The following LRRC4C variants were observed in gnomAD, a reference collection of about 807,000 sequenced individuals.
LRRC4C encodes leucine rich repeat containing 4C.
Under a neutral mutation model 33.6 loss-of-function variants are expected in LRRC4C, and 5 were observed. The ratio of observed to expected loss-of-function variants is 0.15; its 90% CI spans 0.08 to 0.31. LRRC4C has a LOEUF of 0.31. LRRC4C is among the 10% of genes least tolerant of loss of function. The pLI, the probability that LRRC4C is intolerant of heterozygous loss-of-function variation, is 1.00. For missense variants in LRRC4C, 560 were observed against 796.7 expected (o/e 0.70, Z 3.58); for synonymous variants, 329 against 302.0 (o/e 1.09, Z -0.93).
At chr11:40,246,088 C>T (rs910796526) in intron 4 of LRRC4C, among the ~76,000 whole-genome samples, 16 of 151,666 alleles carry the variant, frequency 1.1e-4, no homozygotes, top group African/African-American at 3.6e-4. Flanking sequence ...ATTTTCCTGC[C>T]TCAGCCTCCC....
At chr11:40,501,048 A>G (rs1263506750) in intron 3 of LRRC4C, among the ~76,000 whole-genome samples, 1 of 152,208 alleles carries the variant, frequency 6.6e-6, no homozygotes, top group Non-Finnish European at 1.5e-5. Flanking sequence ...GACCCCATGC[A>G]AGTCTGAAAT....
At chr11:40,613,172 A>T (rs1477130321) in intron 3 of LRRC4C, among the ~76,000 whole-genome samples, 2 of 151,640 alleles carry the variant, frequency 1.3e-5, no homozygotes, top group East Asian at 3.9e-4. Flanking sequence ...ACATCAATTG[A>T]CTCTTTCTTT....
chr11:40,762,755 A>T lies in LRRC4C; in HGVS notation c.-406-114477T>A, dbSNP rs972408259. On this transcript the variant is annotated intron_variant, in intron 2 of 6. Transcript: ENST00000528697. ...TCCCTATCTGTATCCTAAAATATAA[A>T]TTTTTTTTAGTCTAGTCCAGTCTCT... Among the ~76,000 whole-genome samples the T allele has an allele frequency of 5.3e-5, 8 of 151,770 alleles. No individual in the cohort carries two copies. In the East Asian group the frequency reaches 5.8e-4, roughly 11 times the overall value.
intron 1 of LRRC4C, among the ~76,000 whole-genome samples, chr11:41,407,864 A>G (rs1232591736): frequency 6.6e-6 from 1 of 152,214 alleles, no homozygotes; most frequent in Non-Finnish European, 1.5e-5. Flanking sequence ...TATGGCATCA[A>G]GTGAAACTTT....
intron 2 of LRRC4C, among the ~76,000 whole-genome samples, chr11:40,914,089 T>C (rs1245150968): frequency 6.6e-6 from 1 of 152,092 alleles, no homozygotes; most frequent in African/African-American, 2.4e-5. Context: ...CAGGACCAGA[T>C]GGATTCACAG....
intron 3 of LRRC4C, among the ~76,000 whole-genome samples, chr11:40,537,358 G>A (rs1591038087): frequency 1.3e-5 from 2 of 152,156 alleles, no homozygotes; most frequent in Non-Finnish European, 2.9e-5. Flanking sequence ...TAAAGAAACG[G>A]GGAGAGGCTG....
chr11:41,308,343 C>T (rs1245209465), intron 1 of LRRC4C, among the ~76,000 whole-genome samples: 1 of 152,044 alleles, frequency 6.6e-6, no homozygotes, highest in Non-Finnish European at 1.5e-5. Context: ...CAGAACAACA[C>T]AGGGCTGACT....
chr11:41,454,465 G>T (rs76022382), intron 1 of LRRC4C, among the ~76,000 whole-genome samples: 2 of 152,174 alleles, frequency 1.3e-5, no homozygotes, highest in South Asian at 2.1e-4. Context: ...TGATTGTAGC[G>T]CTTGTTCCTG....
chr11:40,218,364 G>GTTA (rs1864124814), intron 5 of LRRC4C, among the ~76,000 whole-genome samples: 1 of 152,204 alleles, frequency 6.6e-6, no homozygotes, highest in South Asian at 2.1e-4. Flanking sequence ...CCTAAGAAGG[G>GTTA]TTATGGTCAT....
At chr11:41,431,791 C>T (rs1308882577) in intron 1 of LRRC4C, among the ~76,000 whole-genome samples, 5 of 152,100 alleles carry the variant, frequency 3.3e-5, no homozygotes, top group Non-Finnish European at 5.9e-5. Flanking sequence ...CTTAGTGGCA[C>T]TACCTTATGT....
At chr11:40,686,544 A>G (rs1289145537) in intron 2 of LRRC4C, among the ~76,000 whole-genome samples, 1 of 152,000 alleles carries the variant, frequency 6.6e-6, no homozygotes, top group Non-Finnish European at 1.5e-5. Context: ...GTGATTCTCT[A>G]ATAGGTAGCC....
chr11:40,261,660 C>T (rs573968660), intron 4 of LRRC4C, among the ~76,000 whole-genome samples: 4 of 152,214 alleles, frequency 2.6e-5, no homozygotes, highest in African/African-American at 7.2e-5. Flanking sequence ...TCCATCATCC[C>T]ATAGCCCTAG....
intron 3 of LRRC4C, among the ~76,000 whole-genome samples, chr11:40,424,771 G>A (rs1284259745): frequency 6.6e-6 from 1 of 152,194 alleles, no homozygotes. Context: ...ATTTGACTAG[G>A]CACAAAATAT....
At chr11:41,283,734 G>A (rs992602390) in intron 1 of LRRC4C, among the ~76,000 whole-genome samples, 2 of 152,134 alleles carry the variant, frequency 1.3e-5, no homozygotes, top group East Asian at 1.9e-4. Context: ...AGCCCTTTAC[G>A]GAAGAGGTTT....
intron 1 of LRRC4C, among the ~76,000 whole-genome samples, chr11:41,210,205 A>AT (rs552062407): frequency 1.3e-5 from 2 of 152,210 alleles, no homozygotes; most frequent in Non-Finnish European, 2.9e-5. Context: ...TAGTACCATT[A>AT]TAACTGATAT....
chr11:41,323,798 T>TA (rs1384435154), intron 1 of LRRC4C, among the ~76,000 whole-genome samples: 7 of 152,260 alleles, frequency 4.6e-5, no homozygotes, highest in Middle Eastern at 3.4e-3. Flanking sequence ...GATTAAGGAA[T>TA]AAAAATATAA....
intron 2 of LRRC4C, among the ~76,000 whole-genome samples, chr11:40,883,241 C>A (rs1955272987): frequency 6.6e-6 from 1 of 152,082 alleles, no homozygotes; most frequent in African/African-American, 2.4e-5. Context: ...AGATGCAACT[C>A]TAAATTTTCA....
intron 2 of LRRC4C, among the ~76,000 whole-genome samples, chr11:40,909,896 C>T (rs1363925651): frequency 6.6e-6 from 1 of 152,154 alleles, no homozygotes; most frequent in Admixed American, 6.5e-5. Flanking sequence ...TGACAAGCCA[C>T]ACTTTTAGTG....
At chr11:41,039,541 C>A (rs552346983) in intron 1 of LRRC4C, among the ~76,000 whole-genome samples, 1 of 152,234 alleles carries the variant, frequency 6.6e-6, no homozygotes, top group South Asian at 2.1e-4. Context: ...GGCCTACTAC[C>A]AGAAATAGGC....
Sources: gnomAD v4.1 joint callset for allele counts (sites outside exome capture counted in the v4.1 genomes callset) on GRCh38, gnomAD v4.1.1 for gene constraint, MANE v1.5 for transcripts, NCBI Gene and HGNC (gene_info 2026-07-23, HGNC 2026-07-21) for gene names.